GPC5: variants seen among roughly 807,000 people sequenced by gnomAD.
GPC5 encodes the protein glypican 5.
In GPC5, 47 loss-of-function variants were observed where a neutral mutation model predicts 53.9. The ratio of observed to expected loss-of-function variants is 0.87; its 90% CI spans 0.69 to 1.11. The LOEUF (loss-of-function observed/expected upper bound fraction) is 1.11. Ranked by LOEUF, GPC5 falls within the 50% of genes most tolerant of loss-of-function variation. The probability of loss-of-function intolerance (pLI) is 0.00; values close to 1 mark genes in which losing one functional copy is unlikely to be tolerated. For missense variants in GPC5, 748 were observed against 713.1 expected (o/e 1.05, Z -0.56); for synonymous variants, 286 against 263.3 (o/e 1.09, Z -0.84).
chr13:92,044,621 G>GT lies in GPC5; in HGVS notation c.1402-100203dup, dbSNP rs538968605. Reference sequence around the variant, plus strand: ...GGCAGCAAGTGTTCTAGGAATTGTAGTTTTTTCTGTCTGGCTCTGGCATGC... The same window carrying GT: ...GGCAGCAAGTGTTCTAGGAATTGTAGTTTTTTTCTGTCTGGCTCTGGCATGC... On this transcript the variant is annotated intron_variant, in intron 6 of 7. Transcript: ENST00000377067. Among the ~76,000 whole-genome samples, 7 of 152,326 alleles carry GT rather than the reference G, an allele frequency of 4.6e-5. No homozygotes were observed. In the South Asian group the frequency reaches 8.3e-4, roughly 18 times the overall value.
intron 2 of GPC5, among the ~76,000 whole-genome samples, chr13:91,474,320 G>C (rs1034093038): frequency 6.6e-6 from 1 of 151,956 alleles, no homozygotes; most frequent in Non-Finnish European, 1.5e-5. Context: ...AAGTGAAGTT[G>C]GTTTCTTGTC....
At chr13:92,247,673 G>A (rs973350683) in intron 7 of GPC5, among the ~76,000 whole-genome samples, 2 of 152,084 alleles carry the variant, frequency 1.3e-5, no homozygotes, top group Non-Finnish European at 2.9e-5. Context: ...TGAGTGATTT[G>A]TGTGTGTCTG....
chr13:92,813,377 G>A (rs186479224), intron 7 of GPC5, among the ~76,000 whole-genome samples: 13 of 151,966 alleles, frequency 8.6e-5, no homozygotes, highest in Admixed American at 5.2e-4. Context: ...AAATAAAAAC[G>A]TAGTTCTTAC....
At chr13:92,414,972 A>C (rs1439940884) in intron 7 of GPC5, among the ~76,000 whole-genome samples, 6 of 152,222 alleles carry the variant, frequency 3.9e-5, no homozygotes, top group African/African-American at 1.2e-4. Flanking sequence ...TTCAGACCAT[A>C]GCAAGGGGTT....
intron 2 of GPC5, among the ~76,000 whole-genome samples, chr13:91,551,193 T>C (rs2030615960): frequency 6.6e-6 from 1 of 152,108 alleles, no homozygotes; most frequent in Non-Finnish European, 1.5e-5. Flanking sequence ...GAGAATCAGC[T>C]ATAAAATAAG....
rs35970869 is a variant in GPC5 at position 92,430,845 on chromosome 13, A to G, written c.1561+285856A>G. 5.2e-3 allele frequency among the ~76,000 whole-genome samples: 791 copies of G among 152,228 alleles called. 13 individuals are homozygous for G. Among genetic ancestry groups the G allele is most frequent in the Middle Eastern group, 0.027 (8 of 294 alleles). ...AACCTCATTAAGCTTGCAAAGAAAA[A>G]TCACCATAGATAAACAAATGTAAAG... On this transcript the variant is annotated intron_variant, in intron 7 of 7. Coordinates refer to ENST00000377067, the MANE Select transcript of GPC5 (RefSeq NM_004466.6).
chr13:91,509,364 T>C (rs1463802676), intron 2 of GPC5, among the ~76,000 whole-genome samples: 1 of 79,584 alleles, frequency 1.3e-5, no homozygotes, highest in Non-Finnish European at 3.7e-5. Context: ...TCTATGAAGT[T>C]ACTTCAATTA....
intron 1 of GPC5, among the ~76,000 whole-genome samples, chr13:91,435,210 A>G (rs1040538983): frequency 1.3e-5 from 2 of 152,186 alleles, no homozygotes; most frequent in Admixed American, 1.3e-4. Context: ...CCTGGCCAGA[A>G]CTTCCAACAC....
At chr13:91,832,300 C>CTTT (rs55698516) in intron 5 of GPC5, among the ~76,000 whole-genome samples, 1 of 122,990 alleles carries the variant, frequency 8.1e-6, no homozygotes, top group Non-Finnish European at 1.7e-5. Context: ...GCTTTTTTCT[C>CTTT]TTTTTTTTTT....
At chr13:91,951,381 AAG>A (rs1334312623) in intron 6 of GPC5, among the ~76,000 whole-genome samples, 2 of 152,092 alleles carry the variant, frequency 1.3e-5, no homozygotes, top group East Asian at 1.9e-4. Context: ...TATATACAGA[AAG>A]AGAGAGAGAA....
intron 2 of GPC5, among the ~76,000 whole-genome samples, chr13:91,534,831 TATC>T (rs1366158038): frequency 6.6e-6 from 1 of 152,202 alleles, no homozygotes; most frequent in Non-Finnish European, 1.5e-5. Flanking sequence ...TCCATGGCAT[TATC>T]ATTTTTTGGC....
intron 2 of GPC5, among the ~76,000 whole-genome samples, chr13:91,640,314 G>A (rs2034393102): frequency 6.6e-6 from 1 of 152,046 alleles, no homozygotes; most frequent in Non-Finnish European, 1.5e-5. Context: ...ATTAAAAAGT[G>A]GGCAAAAGAC....
intron 7 of GPC5, among the ~76,000 whole-genome samples, chr13:92,321,352 G>A (rs552713488): frequency 6.6e-6 from 1 of 152,206 alleles, no homozygotes; most frequent in African/African-American, 2.4e-5. Context: ...CCAACACTTG[G>A]GGAAGCCAAG....
chr13:92,078,685 C>T (rs757885519), intron 6 of GPC5, among the ~76,000 whole-genome samples: 41 of 152,260 alleles, frequency 2.7e-4, no homozygotes, highest in South Asian at 4.1e-4. Flanking sequence ...CCAATACCTT[C>T]CTACCCAAAC....
At chr13:92,428,903 A>G (rs1020966230) in intron 7 of GPC5, among the ~76,000 whole-genome samples, 3 of 152,084 alleles carry the variant, frequency 2.0e-5, no homozygotes, top group East Asian at 3.9e-4. Context: ...TGAAGAAACA[A>G]TTTCCCTCCA....
chr13:92,293,423 T>TGG (rs1491093319), intron 7 of GPC5, among the ~76,000 whole-genome samples: 1 of 48,994 alleles, frequency 2.0e-5, no homozygotes, highest in African/African-American at 1.4e-4. Context: ...GGTTGGTTTC[T>TGG]TTTTTTTTTT....
intron 6 of GPC5, among the ~76,000 whole-genome samples, chr13:91,939,606 G>T (rs1184143085): frequency 6.6e-6 from 1 of 152,122 alleles, no homozygotes; most frequent in Admixed American, 6.6e-5. Flanking sequence ...ATGGATTTAA[G>T]TAGTTAAGTG....
chr13:92,544,810 G>A (rs1882046792), intron 7 of GPC5, among the ~76,000 whole-genome samples: 1 of 151,994 alleles, frequency 6.6e-6, no homozygotes, highest in African/African-American at 2.4e-5. Flanking sequence ...ACATTATTTA[G>A]ATAATTTCTT....
At chr13:91,768,252 C>G (rs1029815365) in intron 5 of GPC5, among the ~76,000 whole-genome samples, 2 of 152,108 alleles carry the variant, frequency 1.3e-5, no homozygotes, top group African/African-American at 4.8e-5. Flanking sequence ...AATAGCTCAT[C>G]AGATAGCACA....
Sources: gnomAD v4.1 joint callset for allele counts (sites outside exome capture counted in the v4.1 genomes callset) on GRCh38, gnomAD v4.1.1 for gene constraint, MANE v1.5 for transcripts, NCBI Gene and HGNC (gene_info 2026-07-23, HGNC 2026-07-21) for gene names.